MAS1: variants seen among roughly 807,000 people sequenced by gnomAD.
MAS1 encodes proto-oncogene Mas.
For missense variants in MAS1, 387 were observed against 409.7 expected, an observed-to-expected ratio of 0.94 and a Z score of 0.48; for synonymous variants, 163 against 164.2, an observed-to-expected ratio of 0.99 and a Z score of 0.05.
intron 1 of MAS1, among the ~76,000 whole-genome samples, chr6:159,896,385 A>G (rs898992278): frequency 2.0e-5 from 3 of 152,238 alleles, no homozygotes; most frequent in Non-Finnish European, 4.4e-5. Flanking sequence ...ATATACTGAC[A>G]TGAGTAAATG....
chr6:159,894,027 C>T (rs1050423251), intron 1 of MAS1, among the ~76,000 whole-genome samples: 7 of 152,100 alleles, frequency 4.6e-5, no homozygotes, highest in African/African-American at 1.4e-4. Flanking sequence ...TGCTCTGCCA[C>T]CTGATGAGGC....
chr6:159,891,213 T>TC (rs1782696029), intron 1 of MAS1, among the ~76,000 whole-genome samples, 80 bp downstream of exon 1: 1 of 152,242 alleles, frequency 6.6e-6, no homozygotes, highest in African/African-American at 2.4e-5. Context: ...AAAAGCTATT[T>TC]CTTGGATAAC....
intron 1 of MAS1, among the ~76,000 whole-genome samples, chr6:159,893,918 G>A (rs1300404529): frequency 1.3e-5 from 2 of 152,112 alleles, no homozygotes; most frequent in African/African-American, 4.8e-5. Context: ...CAAGATTATG[G>A]TAAAGTGTCC....
intron 1 of MAS1, among the ~76,000 whole-genome samples, chr6:159,898,050 C>A (rs531708446): frequency 5.8e-4 from 88 of 151,994 alleles, no homozygotes; most frequent in African/African-American, 2.1e-3. Flanking sequence ...TGCCACCACG[C>A]CCGGATAATT....
At chr6:159,901,006 C>T (rs1782815315) in intron 2 of MAS1, among the ~76,000 whole-genome samples, 1 of 152,116 alleles carries the variant, frequency 6.6e-6, no homozygotes, top group Non-Finnish European at 1.5e-5. Context: ...GCCAGAAGTC[C>T]AAGATCGAGG....
intron 2 of MAS1, among the ~76,000 whole-genome samples, chr6:159,905,375 A>G (rs145269557): frequency 6.9e-4 from 105 of 152,292 alleles, no homozygotes; most frequent in Middle Eastern, 6.8e-3. Flanking sequence ...TCTGTCTACT[A>G]ATTATGAAGT....
At chr6:159,906,124 C>T (rs754561617) in intron 2 of MAS1, among the ~76,000 whole-genome samples, 8 of 152,164 alleles carry the variant, frequency 5.3e-5, no homozygotes, top group Non-Finnish European at 8.8e-5. Flanking sequence ...TACACATACA[C>T]ATGCATGCAC....
At chr6:159,899,709 A>C (rs1268133958) in intron 2 of MAS1, among the ~76,000 whole-genome samples, 1 of 152,198 alleles carries the variant, frequency 6.6e-6, no homozygotes, top group Non-Finnish European at 1.5e-5. Context: ...ACTGCACTCC[A>C]GTTTGGGCAA....
upstream of MAS1, among the ~76,000 whole-genome samples, chr6:159,890,390 G>A (rs1782683249): frequency 6.6e-6 from 1 of 152,200 alleles, no homozygotes; most frequent in Admixed American, 6.5e-5. Context: ...ACCAGGCTGG[G>A]ACGCAGTCTG....
intron 1 of MAS1, among the ~76,000 whole-genome samples, chr6:159,895,431 C>T (rs967198611): frequency 2.4e-4 from 37 of 152,114 alleles, no homozygotes; most frequent in Non-Finnish European, 3.1e-4. Context: ...AACTCCAAGC[C>T]GCATCCTTTC....
upstream of MAS1, among the ~76,000 whole-genome samples, chr6:159,889,637 A>G (rs1228553456): frequency 1.3e-5 from 2 of 151,982 alleles, no homozygotes; most frequent in African/African-American, 2.4e-5. Flanking sequence ...TTAGTTTCTG[A>G]CCATCCTCTG....
chr6:159,910,239 C>T lies in MAS1; in HGVS notation c.*2306C>T, dbSNP rs533593624. The stretch of plus-strand genomic sequence containing the variant: ...CATTCCTACTACAAAGATTCATGCA[C>T]AGCCTTCTCTGCAGAACACCATGAT... On this transcript the variant is annotated 3_prime_UTR_variant, in exon 3 of 3. Coordinates refer to ENST00000674077, the MANE Select transcript of MAS1 (RefSeq NM_002377.4). The T allele has an allele frequency of 2.0e-5, 3 of 152,240 alleles. No individual in the cohort carries two copies. Among genetic ancestry groups the T allele is most frequent in the Non-Finnish European group, 4.4e-5 (3 of 68,058 alleles). 9.4% of individuals were successfully genotyped at this position (152,240 alleles called of 1,614,324 possible).
rs1179494680 is a variant in MAS1, at chr6:159,897,225, T to A, written c.-243-1961T>A. ...ATTTGGTGTGTAGGGCACCAGGGAA[T>A]GTGGAGTGCTGATTGGTCAGGTTGG... On this transcript the variant is annotated intron_variant, in intron 1 of 2. Transcript: ENST00000674077. 3.3e-5 allele frequency among the ~76,000 whole-genome samples: 5 copies of A among 152,044 alleles called. No homozygotes were observed. In the East Asian group the frequency reaches 9.7e-4, roughly 30 times the overall value.
Position 159,906,986 on chromosome 6 carries a change from G to C in MAS1, c.31G>C (p.Val11Leu). Residue 11 changes from valine (V) to leucine (L), a missense_variant, in exon 3 of 3, where the codon GTT (valine) becomes CTT (leucine). Val to Leu is a conservative substitution (Grantham distance 32, BLOSUM62 1). Transcript: ENST00000674077. MDGSNVTSFV[V>L]EEPTNISTGR... ...TGGGTCAAACGTGACATCATTTGTTGTTGAGGAACCCACGAACATCTCAAC... is the reference window on the plus strand; with the variant it reads ...TGGGTCAAACGTGACATCATTTGTTCTTGAGGAACCCACGAACATCTCAAC... 3.1e-6 allele frequency: 5 copies of C among 1,610,124 alleles called. No individual in the cohort carries two copies. The highest frequency in any genetic ancestry group is 4.2e-6 in the Non-Finnish European group (5 of 1,176,586).
rs912183087 is a variant in MAS1 at position 159,913,945 on chromosome 6, A to G, written c.*6012A>G. 1.3e-5 allele frequency: 2 copies of G among 152,260 alleles called. No homozygotes were observed. The highest frequency in any genetic ancestry group is 1.3e-4 in the Admixed American group (2 of 15,280). The allele number at this position is 152,260 out of a possible 1,614,324, so 9.4% of individuals were successfully genotyped here. Reference sequence around the variant, plus strand: ...ACTAATTATTTAAATGTGTACATATACATGTTAATACAAAGGGTTGAATTG... The same window carrying G: ...ACTAATTATTTAAATGTGTACATATGCATGTTAATACAAAGGGTTGAATTG... On this transcript the variant is annotated 3_prime_UTR_variant, in exon 3 of 3. Transcript: ENST00000674077.
chr6:159,902,423 C>A lies in MAS1; in HGVS notation c.-37+3031C>A, dbSNP rs1458551869. 3 of 152,254 alleles carry A rather than the reference C, an allele frequency of 2.0e-5. No homozygotes were observed. The East Asian group carries it at 5.8e-4, about 29-fold the overall frequency. 9.4% of individuals were successfully genotyped at this position (152,254 alleles called of 1,614,324 possible). Reference sequence around the variant, plus strand: ...CGAGATGCACTGCAAGAGTGAAGTACCCGCTGCATCTGGGGGACTTAATGC... The same window carrying A: ...CGAGATGCACTGCAAGAGTGAAGTAACCGCTGCATCTGGGGGACTTAATGC... On this transcript the variant is annotated intron_variant, in intron 2 of 2. Coordinates refer to ENST00000674077, the MANE Select transcript of MAS1 (RefSeq NM_002377.4).
chr6:159,903,251 C>T (rs1583213474), intron 2 of MAS1, among the ~76,000 whole-genome samples: 1 of 152,258 alleles, frequency 6.6e-6, no homozygotes, highest in East Asian at 1.9e-4. Flanking sequence ...AGTCCATCAT[C>T]GTAGCCCTTC....
chr6:159,907,875 T>G lies in MAS1; in HGVS notation c.920T>G (p.Met307Arg), dbSNP rs370639629. ...VVLTRAFKDE[M>R]QPRRQKDNCN... ...CTGACCAGGGCTTTCAAAGATGAAA[T>G]GCAACCTCGGCGCCAGAAAGACAAT... Residue 307 changes from methionine (M) to arginine (R), a missense_variant, in exon 3 of 3, where the codon ATG becomes AGG. Met to Arg is a moderately conservative substitution (Grantham distance 91). Coordinates refer to ENST00000674077, the MANE Select transcript of MAS1 (RefSeq NM_002377.4). 1.9e-5 allele frequency: 30 copies of G among 1,610,922 alleles called. No homozygotes were observed. Among genetic ancestry groups the G allele is most frequent in the Non-Finnish European group, 2.3e-5 (27 of 1,179,452 alleles).
chr6:159,900,297 C>T (rs1329574595), intron 2 of MAS1, among the ~76,000 whole-genome samples: 1 of 152,168 alleles, frequency 6.6e-6, no homozygotes, highest in Non-Finnish European at 1.5e-5. Context: ...AATTACCCTT[C>T]TACTCTCCTC....
Sources: allele counts gnomAD v4.1 joint callset (sites outside exome capture counted in the v4.1 genomes callset), GRCh38; gene constraint gnomAD v4.1.1; transcripts MANE v1.5; gene names NCBI Gene and HGNC (gene_info 2026-07-23, HGNC 2026-07-21).